The following RIBC1 variants were observed in gnomAD, a reference collection of about 807,000 sequenced individuals.
RIBC1 encodes the protein RIB43A-like with coiled-coils protein 1.
Under a neutral mutation model 33.7 loss-of-function variants are expected in RIBC1, and 12 were observed. The ratio of observed to expected loss-of-function variants is 0.36; its 90% CI spans 0.23 to 0.58. The LOEUF is 0.58. Ranked by LOEUF, RIBC1 falls within the 20% of genes least tolerant of loss-of-function variation. The pLI is 0.81. For synonymous variants in RIBC1, 89 were observed against 109.0 expected, an observed-to-expected ratio of 0.82 and a Z score of 1.14; for missense variants, 242 against 311.6, an observed-to-expected ratio of 0.78 and a Z score of 1.68.
intron 2 of RIBC1, among the ~76,000 whole-genome samples, chrX:53,424,565 G>A (rs1166148827): frequency 9.2e-6 from 1 of 109,164 alleles, no homozygotes; most frequent in Non-Finnish European, 1.9e-5. Flanking sequence ...GTTTCACTAT[G>A]TTGGCCAGGC....
chrX:53,425,420 G>A (rs1242541347), intron 2 of RIBC1, among the ~76,000 whole-genome samples: 1 of 108,263 alleles, frequency 9.2e-6, no homozygotes, highest in African/African-American at 3.4e-5. Context: ...CTTTGGCTGG[G>A]TTACATGCCA....
chrX:53,428,104 G>A lies in RIBC1; in HGVS notation c.199+20G>A. On this transcript the variant is annotated intron_variant, in intron 4 of 7. Transcript: ENST00000375327. ...CTTATGGTAAAAGCCAAAAGCCAGG[G>A]GCCAGACAAGGGTGTAAAGAAAGAG... 1 of 1,203,748 alleles carries A rather than the reference G, an allele frequency of 8.3e-7. No individual in the cohort carries two copies. Among genetic ancestry groups the A allele is most frequent in the Non-Finnish European group, 1.1e-6 (1 of 889,199 alleles).
chrX:53,424,948 C>G (rs1556892909), intron 2 of RIBC1, among the ~76,000 whole-genome samples: 1 of 109,693 alleles, frequency 9.1e-6, no homozygotes, highest in East Asian at 2.9e-4. Context: ...AATCCCAGCA[C>G]TTTGGGAGGC....
chrX:53,430,572 G>A lies in RIBC1; in HGVS notation c.840G>A (p.Glu280=). ...LPYCWKGMTP[E]QQAAIRKEQE... is the part of the protein sequence containing the mutation. ...ATTGCTGGAAGGGCATGACTCCAGA[G>A]CAGCAAGCTGCCATCAGGAAAGAGC... Residue 280 remains glutamate, a synonymous_variant, in exon 7 of 8, where the codon GAG becomes GAA. Coordinates refer to ENST00000375327, the MANE Select transcript of RIBC1 (RefSeq NM_001031745.5). 1.7e-6 allele frequency: 2 copies of A among 1,206,394 alleles called. No individual in the cohort carries two copies. Among genetic ancestry groups the A allele is most frequent in the Non-Finnish European group, 2.2e-6 (2 of 892,537 alleles).
chrX:53,425,269 G>A (rs1468642113), intron 2 of RIBC1, among the ~76,000 whole-genome samples: 1 of 110,607 alleles, frequency 9.0e-6, no homozygotes, highest in East Asian at 2.8e-4. Flanking sequence ...ACAAATTGGA[G>A]AGGTGTGCAG....
In RIBC1 at chrX:53,426,409, G is replaced by GGA. The variant is rs782159089; in HGVS notation, c.117+17_117+18dup. The GGA allele has an allele frequency of 1.2e-5, 13 of 1,078,593 alleles. No homozygotes were observed. The highest frequency in any genetic ancestry group is 1.7e-5 in the Non-Finnish European group (13 of 780,670). 88.9% of individuals were successfully genotyped at this position (1,078,593 alleles called of 1,213,427 possible). ...AGTCATGGGGGTGAGTGGGTAGTAG[G>GGA]GACTGTTGCTCAGGATCAGGGCCAC... On this transcript the variant is annotated intron_variant, in intron 3 of 7. Transcript: ENST00000375327.
chrX:53,430,367 C>G, intron 6 of RIBC1, 29 bp from the exon 7 acceptor site: 1 of 1,181,802 alleles, frequency 8.5e-7, no homozygotes, highest in African/African-American at 1.7e-5. Flanking sequence ...GTTGGGCACC[C>G]AAATGTTTGC....
rs781886396 is a variant in RIBC1 at position 53,424,918 on chromosome X, G to T, written c.1-1359G>T. Among the ~76,000 whole-genome samples the T allele has an allele frequency of 3.7e-5, 4 of 109,089 alleles. No homozygotes were observed. In the Middle Eastern group the frequency reaches 0.019, roughly 510 times the overall value. 94.7% of individuals were successfully genotyped at this position (109,089 alleles called of 115,157 possible). A position where few individuals can be genotyped will look rare whatever the true frequency, so the allele number is the denominator to read the frequency against. On this transcript the variant is annotated intron_variant, in intron 2 of 7. Coordinates refer to ENST00000375327, the MANE Select transcript of RIBC1 (RefSeq NM_001031745.5). ...ATTAAAAAAAATTAAATGGGGCCAG[G>T]TGTGGTGGCTCATGCCTGTAATCCC... is the stretch of plus-strand genomic sequence containing the variant.
At chrX:53,428,927 T>C in intron 5 of RIBC1, 1 of 621,016 alleles carries the variant, frequency 1.6e-6, no homozygotes, top group Non-Finnish European at 2.2e-6. Flanking sequence ...CTTCTGTGCT[T>C]CAGTTTCTTC....
At position 53,429,969 on chromosome X, in the gene RIBC1, G is replaced by A. The variant is rs992419374; in HGVS notation, c.660G>A (p.Ala220=). The A allele has an allele frequency of 7.5e-6, 9 of 1,196,424 alleles. No homozygotes were observed. The highest frequency in any genetic ancestry group is 1.7e-5 in the African/African-American group (1 of 57,277). Residue 220 remains alanine, a synonymous_variant, in exon 6 of 8, where the codon GCG becomes GCA. Coordinates refer to ENST00000375327, the MANE Select transcript of RIBC1 (RefSeq NM_001031745.5). ...MMCAMANANK[A]QAAVQAGRQR... is the part of the protein sequence containing the mutation. ...GTGCCATGGCCAACGCCAACAAAGC[G>A]CAGGTATGGCCTGAGCCATGCAGTA...
chrX:53,425,911 T>A (rs886931688), intron 2 of RIBC1, among the ~76,000 whole-genome samples: 1 of 112,638 alleles, frequency 8.9e-6, no homozygotes, highest in Admixed American at 9.4e-5. Context: ...TTGGGCCTTA[T>A]AAGCACTGGG....
At position 53,423,013 on chromosome X, in the gene RIBC1, T is replaced by C. The variant is rs1406978986; in HGVS notation, c.-90+9T>C. On this transcript the variant is annotated intron_variant, in intron 1 of 7. Coordinates refer to ENST00000375327, the MANE Select transcript of RIBC1 (RefSeq NM_001031745.5). The stretch of plus-strand genomic sequence containing the variant: ...CTCAGGGCAAGAGGAAGGTGGGAGC[T>C]CGGCTGTGGCTTTAGCCTGGCCAGC... The C allele has an allele frequency of 4.4e-6, 1 of 224,845 alleles. No individual in the cohort carries two copies. Among genetic ancestry groups the C allele is most frequent in the Non-Finnish European group, 8.3e-6 (1 of 120,590 alleles). 18.5% of individuals were successfully genotyped at this position (224,845 alleles called of 1,213,427 possible).
In RIBC1 at chrX:53,424,884, C is replaced by G. The variant is rs1035654728; in HGVS notation, c.1-1393C>G. 2.4e-4 allele frequency among the ~76,000 whole-genome samples: 25 copies of G among 104,524 alleles called. 1 individual carries two copies. Among genetic ancestry groups the G allele is most frequent in the Admixed American group, 1.0e-4 (1 of 9,630 alleles). 90.8% of individuals were successfully genotyped at this position (104,524 alleles called of 115,157 possible). A position where few individuals can be genotyped will look rare whatever the true frequency, so the allele number is the denominator to read the frequency against. On this transcript the variant is annotated intron_variant, in intron 2 of 7. Transcript: ENST00000375327. ...ACTAGCTTGGGCAATATAGTGAGAC[C>G]CCATCTATATTAAAAAAAATTAAAT...
intron 4 of RIBC1, 36 bp downstream of exon 4, chrX:53,428,120 A>T: frequency 8.3e-7 from 1 of 1,200,122 alleles, no homozygotes. Flanking sequence ...ACAAGGGTGT[A>T]AAGAAAGAGC....
chrX:53,423,898 G>C (rs782180313), intron 2 of RIBC1, among the ~76,000 whole-genome samples: 1 of 110,892 alleles, frequency 9.0e-6, no homozygotes, highest in Non-Finnish European at 1.9e-5. Flanking sequence ...GGGCAACATA[G>C]TGAGACCCTA....
At chrX:53,428,980 T>A in intron 5 of RIBC1, 1 of 327,176 alleles carries the variant, frequency 3.1e-6, no homozygotes, top group Non-Finnish European at 4.6e-6. Context: ...ATAGAGTAGC[T>A]ACTATTATGA....
intron 2 of RIBC1, among the ~76,000 whole-genome samples, chrX:53,424,560 A>T (rs1466014845): frequency 9.2e-6 from 1 of 109,141 alleles, no homozygotes; most frequent in Non-Finnish European, 1.9e-5. Context: ...ACAGGGTTTC[A>T]CTATGTTGGC....
At position 53,425,179 on chromosome X, in the gene RIBC1, C is replaced by T. The variant is rs1319919381; in HGVS notation, c.1-1098C>T. On this transcript the variant is annotated intron_variant, in intron 2 of 7. Transcript: ENST00000375327. ...AAAGGAACAGCACATACAAAGGCCC[C>T]GGGGTGGGAACAATTACTGTGTTGG... 8.1e-5 allele frequency among the ~76,000 whole-genome samples: 9 copies of T among 111,472 alleles called. No individual in the cohort carries two copies. The South Asian group carries it at 1.1e-3, about 14-fold the overall frequency.
chrX:53,427,188 G>C (rs782396113), intron 3 of RIBC1, among the ~76,000 whole-genome samples: 1 of 112,269 alleles, frequency 8.9e-6, no homozygotes, highest in African/African-American at 3.2e-5. Context: ...AGTGGATAGA[G>C]GGGGGATGCA....
Sources: allele counts gnomAD v4.1 joint callset (sites outside exome capture counted in the v4.1 genomes callset), GRCh38; gene constraint gnomAD v4.1.1; transcripts MANE v1.5; gene names NCBI Gene and HGNC (gene_info 2026-07-23, HGNC 2026-07-21).